Variants in RHBDD1 observed in about 807,000 individuals in gnomAD.
RHBDD1 encodes the protein rhomboid-related protein 4.
RHBDD1 carries 38 observed loss-of-function variants against 36.3 expected under a neutral mutation model. The ratio of observed to expected loss-of-function variants is 1.05; its 90% CI spans 0.81 to 1.37. RHBDD1 has a LOEUF of 1.37. Among genes scored for constraint, RHBDD1 ranks in the 40% most tolerant of loss-of-function variants. The probability of loss-of-function intolerance (pLI) is 0.00; values close to 1 mark genes in which losing one functional copy is unlikely to be tolerated. For missense variants in RHBDD1, 393 were observed against 377.6 expected (o/e 1.04, Z -0.34); for synonymous variants, 151 against 136.5 (o/e 1.11, Z -0.74).
intron 8 of RHBDD1, among the ~76,000 whole-genome samples, chr2:226,935,983 A>G (rs1950305982): frequency 6.6e-6 from 1 of 152,146 alleles, no homozygotes; most frequent in South Asian, 2.1e-4. Flanking sequence ...CATAGCAGAA[A>G]CATTATAGCC....
At chr2:226,923,010 G>T (rs1424119799) in intron 8 of RHBDD1, among the ~76,000 whole-genome samples, 1 of 152,034 alleles carries the variant, frequency 6.6e-6, no homozygotes, top group Non-Finnish European at 1.5e-5. Context: ...TATTATTTTT[G>T]ATTGGTTCAT....
At chr2:226,940,482 G>A (rs1178773045) in intron 8 of RHBDD1, among the ~76,000 whole-genome samples, 2 of 152,124 alleles carry the variant, frequency 1.3e-5, no homozygotes, top group African/African-American at 4.8e-5. Flanking sequence ...TGCCATTTAA[G>A]TCTTGGGAAG....
At chr2:226,901,391 A>T (rs1947577884) in intron 5 of RHBDD1, among the ~76,000 whole-genome samples, 1 of 152,308 alleles carries the variant, frequency 6.6e-6, no homozygotes, top group South Asian at 2.1e-4. Context: ...TCCTTTGGGT[A>T]TATATGCAGA....
intron 5 of RHBDD1, chr2:226,895,814 A>C: frequency 1.0e-6 from 1 of 985,314 alleles, no homozygotes; most frequent in Non-Finnish European, 1.2e-6. Context: ...GCAACAGCAA[A>C]ACTATTTAGG....
At chr2:226,862,268 T>C (rs560932080) in intron 3 of RHBDD1, among the ~76,000 whole-genome samples, 2 of 152,192 alleles carry the variant, frequency 1.3e-5, no homozygotes, top group African/African-American at 4.8e-5. Flanking sequence ...GGAGGTTTTA[T>C]GTTTCTTAAA....
At chr2:226,818,631 G>C in the RHBDD1 span, among the ~76,000 whole-genome samples, 1 of 151,678 alleles carries the variant, frequency 6.6e-6, no homozygotes, top group Non-Finnish European at 1.5e-5. Flanking sequence ...AGAAGGTCAG[G>C]CGTTTGAAAC....
At chr2:226,822,759 A>C in the RHBDD1 span, among the ~76,000 whole-genome samples, 1 of 152,102 alleles carries the variant, frequency 6.6e-6, no homozygotes, top group Admixed American at 6.6e-5. Flanking sequence ...TGTTGTTTCT[A>C]AGAGATGAGG....
At chr2:226,858,361 G>C (rs1219669200) in intron 3 of RHBDD1, among the ~76,000 whole-genome samples, 1 of 152,118 alleles carries the variant, frequency 6.6e-6, no homozygotes, top group Non-Finnish European at 1.5e-5. Flanking sequence ...AATAATTTTG[G>C]AATTTGTTAT....
chr2:226,849,278 T>G (rs988245260), intron 3 of RHBDD1, among the ~76,000 whole-genome samples: 1 of 152,196 alleles, frequency 6.6e-6, no homozygotes, highest in African/African-American at 2.4e-5. Context: ...CTCCAAGGTA[T>G]AAGGAAAACA....
At chr2:226,895,998 AT>A (rs1477004007) in intron 5 of RHBDD1, among the ~76,000 whole-genome samples, 1 of 152,128 alleles carries the variant, frequency 6.6e-6, no homozygotes, top group Non-Finnish European at 1.5e-5. Context: ...TTTTTTATGT[AT>A]TTCCTTTAAA....
intron 3 of RHBDD1, among the ~76,000 whole-genome samples, chr2:226,852,901 T>TTTATTATTA (rs34006366): frequency 0.03 from 3,813 of 125,084 alleles, 91 homozygotes; most frequent in Admixed American, 0.049. Flanking sequence ...ACCTGGCTAA[T>TTTATTATTA]TTATTATTAT....
intron 8 of RHBDD1, among the ~76,000 whole-genome samples, chr2:226,922,270 T>C (rs939120576): frequency 1.4e-5 from 2 of 145,742 alleles, no homozygotes; most frequent in African/African-American, 5.1e-5. Flanking sequence ...TGCAGTGGTG[T>C]GATCTCGGCT....
At chr2:226,987,318 C>T (rs1056908124) in intron 8 of RHBDD1, among the ~76,000 whole-genome samples, 2 of 151,894 alleles carry the variant, frequency 1.3e-5, no homozygotes, top group South Asian at 2.1e-4. Flanking sequence ...GTTCTGCACA[C>T]GTATCCCAGA....
chr2:226,934,042 G>C (rs1950192690), intron 8 of RHBDD1, among the ~76,000 whole-genome samples: 1 of 152,028 alleles, frequency 6.6e-6, no homozygotes. Flanking sequence ...AGCTCATTTG[G>C]TAGAAAGAAT....
intron 5 of RHBDD1, among the ~76,000 whole-genome samples, chr2:226,875,705 A>T (rs1945175382): frequency 6.6e-6 from 1 of 150,688 alleles, no homozygotes; most frequent in African/African-American, 2.4e-5. Context: ...CTTTGTTTTG[A>T]AAGGGGAAGA....
chr2:226,844,357 A>AT lies in RHBDD1; in HGVS notation c.-91+4732dup, dbSNP rs1392004434. Among the ~76,000 whole-genome samples, 13 of 151,752 alleles carry AT rather than the reference A, an allele frequency of 8.6e-5. No individual in the cohort carries two copies. The East Asian group carries it at 2.5e-3, about 29-fold the overall frequency. ...ATTCCTGTTACTGAAAGAATGAAGT[A>AT]TTGATGCTATGCAGGCAAAAAGCCC... is the stretch of plus-strand genomic sequence containing the variant. On this transcript the variant is annotated intron_variant, in intron 3 of 8. Transcript: ENST00000392062.
At chr2:226,855,478 T>C (rs1002705168) in intron 3 of RHBDD1, among the ~76,000 whole-genome samples, 6 of 152,248 alleles carry the variant, frequency 3.9e-5, no homozygotes, top group Middle Eastern at 3.2e-3. Flanking sequence ...CACTCCAGCC[T>C]GGCAGCAGAA....
chr2:226,858,856 T>C (rs1447080623), intron 3 of RHBDD1, among the ~76,000 whole-genome samples: 2 of 152,214 alleles, frequency 1.3e-5, no homozygotes, highest in African/African-American at 2.4e-5. Flanking sequence ...AACCTTGATA[T>C]AGTACTGTCT....
At chr2:226,860,882 A>G (rs1480237363) in intron 3 of RHBDD1, among the ~76,000 whole-genome samples, 1 of 152,108 alleles carries the variant, frequency 6.6e-6, no homozygotes, top group East Asian at 1.9e-4. Flanking sequence ...TTCTCTTTTG[A>G]TTTCCTGTGG....
Sources: gnomAD v4.1 joint callset for allele counts (sites outside exome capture counted in the v4.1 genomes callset) on GRCh38, gnomAD v4.1.1 for gene constraint, MANE v1.5 for transcripts, NCBI Gene and HGNC (gene_info 2026-07-23, HGNC 2026-07-21) for gene names.